Variants in ZC3H3 observed in about 807,000 individuals in gnomAD.
The protein encoded by ZC3H3 is zinc finger CCCH-type containing 3, also known as zinc finger CCCH domain-containing protein 3.
A neutral mutation model predicts 77.3 loss-of-function variants in ZC3H3; 36 were observed. That is an observed-to-expected ratio of 0.47 (90% CI 0.36 to 0.61). The LOEUF (loss-of-function observed/expected upper bound fraction) is 0.61. ZC3H3 is among the 20% of genes least tolerant of loss of function. The pLI is 0.00. For synonymous variants in ZC3H3, 626 were observed against 555.2 expected, an observed-to-expected ratio of 1.13 and a Z score of -1.79; for missense variants, 1,331 against 1,312.2, an observed-to-expected ratio of 1.01 and a Z score of -0.22.
intron 9 of ZC3H3, among the ~76,000 whole-genome samples, chr8:143,459,814 C>T (rs1820210889): frequency 6.6e-6 from 1 of 152,050 alleles, no homozygotes. Flanking sequence ...AGGCAACTTC[C>T]TCAGTGTGGT....
intron 3 of ZC3H3, among the ~76,000 whole-genome samples, chr8:143,514,215 A>G (rs1022458691): frequency 1.3e-5 from 2 of 152,130 alleles, no homozygotes; most frequent in African/African-American, 4.8e-5. Flanking sequence ...CAGTGAGGTC[A>G]AACAGGAGGT....
In ZC3H3 at chr8:143,460,900, A is replaced by G. The variant is rs769679066; in HGVS notation, c.2307+4817T>C. On this transcript the variant is annotated intron_variant, in intron 9 of 11. Coordinates refer to ENST00000262577, the MANE Select transcript of ZC3H3 (RefSeq NM_015117.3). This position sits in a 1 kb window ranked among gnomAD's most constrained non-coding sequence, Gnocchi z 4.0. ...GAATGTACGATTCCACTTAGAGGAC[A>G]TAGCTAGAGGAGGCGCCTTCACTAA... Among the ~76,000 whole-genome samples the G allele has an allele frequency of 1.3e-5, 2 of 152,222 alleles. No homozygotes were observed. The highest frequency in any genetic ancestry group is 2.1e-4 in the South Asian group (1 of 4,832).
At chr8:143,509,633 A>C (rs1050849826) in intron 3 of ZC3H3, among the ~76,000 whole-genome samples, 5 of 152,196 alleles carry the variant, frequency 3.3e-5, no homozygotes, top group African/African-American at 1.2e-4. Flanking sequence ...TGGGACGCAG[A>C]GCCTGGGGCG....
At chr8:143,523,115 CCTCTTCTCCCTGG>C in intron 3 of ZC3H3, among the ~76,000 whole-genome samples, 1 of 152,294 alleles carries the variant, frequency 6.6e-6, no homozygotes, top group Admixed American at 6.5e-5. Flanking sequence ...CCAGACTGGG[CCTCTTCTCCCTGG>C]AAGAGGTGCT....
intron 3 of ZC3H3, among the ~76,000 whole-genome samples, chr8:143,514,669 G>A (rs766422578): frequency 3.9e-5 from 6 of 152,138 alleles, no homozygotes; most frequent in African/African-American, 1.2e-4. Context: ...CGAGTTTCAC[G>A]CAGAGCCAGG....
At chr8:143,465,235 C>A (rs943416669) in intron 9 of ZC3H3, among the ~76,000 whole-genome samples, 1 of 152,162 alleles carries the variant, frequency 6.6e-6, no homozygotes, top group Non-Finnish European at 1.5e-5. Flanking sequence ...ACGGCTCAGG[C>A]GGCCCCCTTG....
intron 3 of ZC3H3, among the ~76,000 whole-genome samples, chr8:143,517,933 T>C (rs961436382): frequency 6.6e-6 from 1 of 152,150 alleles, no homozygotes; most frequent in Non-Finnish European, 1.5e-5. Flanking sequence ...ACAGACCTGC[T>C]CGGGGCCAGG....
At chr8:143,516,710 A>G (rs759836717) in intron 3 of ZC3H3, among the ~76,000 whole-genome samples, 11 of 151,414 alleles carry the variant, frequency 7.3e-5, no homozygotes, top group Non-Finnish European at 1.6e-4. Flanking sequence ...GGGCCCCAGC[A>G]CCTCCCCAGG....
chr8:143,449,733 AAAAACAAAC>A (rs1221218389), intron 9 of ZC3H3, among the ~76,000 whole-genome samples: 3 of 97,822 alleles, frequency 3.1e-5, no homozygotes, highest in Non-Finnish European at 6.9e-5. Flanking sequence ...TCCATGTCAA[AAAAACAAAC>A]AAAACAAAAC....
rs1822582918 is a variant in ZC3H3, at chr8:143,530,955, C to T, written c.1561+5302G>A. ...ACCCTTCTGGGGCTGTCTTCTATCT[C>T]CTTTTTTTTTTTTTTTTTTTTTGAG... On this transcript the variant is annotated intron_variant, in intron 3 of 11. Coordinates refer to ENST00000262577, the MANE Select transcript of ZC3H3 (RefSeq NM_015117.3). The surrounding 1 kb of genome is among the most constrained non-coding windows in gnomAD (Gnocchi z 4.3). Among the ~76,000 whole-genome samples the T allele has an allele frequency of 6.7e-6, 1 of 149,256 alleles. No homozygotes were observed. The highest frequency in any genetic ancestry group is 6.7e-5 in the Admixed American group (1 of 15,036).
At chr8:143,476,037 G>A (rs1173102772) in intron 4 of ZC3H3, among the ~76,000 whole-genome samples, 1 of 152,206 alleles carries the variant, frequency 6.6e-6, no homozygotes, top group Non-Finnish European at 1.5e-5. Context: ...GTGTCTGCGT[G>A]TTGGTGAGAA....
intron 3 of ZC3H3, among the ~76,000 whole-genome samples, chr8:143,516,525 TCACACACACACACACA>T (rs57359541): frequency 6.1e-4 from 85 of 140,026 alleles, no homozygotes; most frequent in South Asian, 1.2e-3. Context: ...AACTTTGCAA[TCACACACACACACACA>T]CACACACACA....
chr8:143,495,787 A>C (rs1821331562), intron 4 of ZC3H3, among the ~76,000 whole-genome samples: 1 of 145,248 alleles, frequency 6.9e-6, no homozygotes, highest in Admixed American at 7.0e-5. Context: ...TTAACTGTAG[A>C]GACAGACGTC....
chr8:143,456,810 G>A (rs1820134926), intron 9 of ZC3H3, among the ~76,000 whole-genome samples: 2 of 152,188 alleles, frequency 1.3e-5, no homozygotes, highest in Admixed American at 6.5e-5. Flanking sequence ...TGAGCTTGCA[G>A]TGAACTGTGA....
intron 2 of ZC3H3, among the ~76,000 whole-genome samples, chr8:143,537,746 G>A (rs1822848720): frequency 6.6e-6 from 1 of 152,208 alleles, no homozygotes; most frequent in Non-Finnish European, 1.5e-5. Context: ...CGAGCTGCTT[G>A]TCTCTCACCG....
intron 4 of ZC3H3, among the ~76,000 whole-genome samples, chr8:143,477,624 A>G (rs1213147459): frequency 6.6e-6 from 1 of 152,180 alleles, no homozygotes; most frequent in Non-Finnish European, 1.5e-5. Flanking sequence ...CTCCTGCACC[A>G]GCCTCTCAGT....
intron 4 of ZC3H3, among the ~76,000 whole-genome samples, chr8:143,502,574 G>A (rs1821558647): frequency 6.6e-6 from 1 of 152,238 alleles, no homozygotes; most frequent in South Asian, 2.1e-4. Context: ...ACCATTTGTA[G>A]TCAGATGGAA....
At chr8:143,519,995 G>C (rs1463221433) in intron 3 of ZC3H3, among the ~76,000 whole-genome samples, 1 of 152,206 alleles carries the variant, frequency 6.6e-6, no homozygotes, top group Non-Finnish European at 1.5e-5. Flanking sequence ...CCCAGGCCTG[G>C]CAGGACTGGA....
At chr8:143,483,466 T>A (rs1337716178) in intron 4 of ZC3H3, among the ~76,000 whole-genome samples, 1 of 152,102 alleles carries the variant, frequency 6.6e-6, no homozygotes, top group Non-Finnish European at 1.5e-5. Context: ...GGACAGACAC[T>A]CACAGAATGT....
Sources: gnomAD v4.1 joint callset for allele counts (sites outside exome capture counted in the v4.1 genomes callset) on GRCh38, gnomAD v4.1.1 for gene constraint, Gnocchi (gnomAD v3.1) non-coding constraint, MANE v1.5 for transcripts, NCBI Gene and HGNC (gene_info 2026-07-23, HGNC 2026-07-21) for gene names.